IGSF10: variants seen among roughly 807,000 people sequenced by gnomAD.
IGSF10 encodes the protein calvaria mechanical force protein 608.
In IGSF10, 126 loss-of-function variants were observed where a neutral mutation model predicts 128.2. That is an observed-to-expected ratio of 0.98 (90% CI 0.85 to 1.14). IGSF10 has a LOEUF of 1.14. IGSF10 is among the 50% of genes most tolerant of loss of function. IGSF10 has a pLI of 0.00. For synonymous variants in IGSF10, 1,185 were observed against 1,146.2 expected, an observed-to-expected ratio of 1.03 and a Z score of -0.68; for missense variants, 3,295 against 3,149.8, an observed-to-expected ratio of 1.05 and a Z score of -1.10.
chr3:151,507,886 G>C, the IGSF10 span, among the ~76,000 whole-genome samples: 150 of 152,054 alleles, frequency 9.9e-4, no homozygotes, highest in Non-Finnish European at 1.2e-3. Flanking sequence ...ATGGTATAAA[G>C]AAAGCTGTCA....
At chr3:151,432,868 T>A, downstream of IGSF10, 2 of 1,242,034 alleles carry the variant, frequency 1.6e-6, no homozygotes, top group Non-Finnish European at 1.2e-6. Context: ...TCAAATTTAA[T>A]GCATTAGTCA....
chr3:151,490,402 C>T, the IGSF10 span, among the ~76,000 whole-genome samples: 34 of 151,850 alleles, frequency 2.2e-4, no homozygotes, highest in Non-Finnish European at 4.6e-4. Flanking sequence ...TGAAGGGAGA[C>T]ATAGACAGCA....
chr3:151,574,213 A>G, the IGSF10 span, among the ~76,000 whole-genome samples: 1 of 152,030 alleles, frequency 6.6e-6, no homozygotes, highest in Non-Finnish European at 1.5e-5. Context: ...GCTCTTCTCG[A>G]GGAGTATCTT....
At chr3:151,556,487 A>G in the IGSF10 span, among the ~76,000 whole-genome samples, 1 of 152,192 alleles carries the variant, frequency 6.6e-6, no homozygotes, top group Admixed American at 6.6e-5. Flanking sequence ...AGTCATGCAA[A>G]AAATGGAGAG....
the IGSF10 span, among the ~76,000 whole-genome samples, chr3:151,542,765 T>C: frequency 8.9e-4 from 136 of 152,362 alleles, 1 homozygote; most frequent in Non-Finnish European, 9.6e-4. Context: ...GATTACGTCC[T>C]TTCAAGGAGG....
chr3:151,446,304 C>T lies in IGSF10; in HGVS notation c.3677G>A (p.Ser1226Asn), dbSNP rs762484463. 8 of 1,613,866 alleles carry T rather than the reference C, an allele frequency of 5.0e-6. No homozygotes were observed. Among genetic ancestry groups the T allele is most frequent in the Non-Finnish European group, 5.9e-6 (7 of 1,179,892 alleles). The change falls in exon 6 of 8, where the codon AGT (serine) becomes AAT (asparagine). Residue 1226 changes from serine (S) to asparagine (N), a missense_variant. Coordinates refer to ENST00000282466, the MANE Select transcript of IGSF10 (RefSeq NM_178822.5). ...CATCACAGCTGTGCTTTTTTGTAAA[C>T]TAACTTTATGTTGATTCCTTAATCT... ...KGRLRNQHKV[S>N]LQKSTAVMLP... is the part of the protein sequence containing the mutation.
At chr3:151,506,186 C>A in the IGSF10 span, among the ~76,000 whole-genome samples, 1 of 152,196 alleles carries the variant, frequency 6.6e-6, no homozygotes, top group Non-Finnish European at 1.5e-5. Flanking sequence ...ATCTCCTGAC[C>A]TCATGTGCCA....
intron 7 of IGSF10, among the ~76,000 whole-genome samples, chr3:151,441,035 C>G (rs752727485): frequency 2.0e-5 from 3 of 152,174 alleles, no homozygotes; most frequent in Non-Finnish European, 4.4e-5. Flanking sequence ...GCAACAAAAT[C>G]ACCTGGAGGG....
Position 151,447,947 on chromosome 3 carries a change from T to A in IGSF10, c.2034A>T (p.Gly678=). 2 of 1,614,106 alleles carry A rather than the reference T, an allele frequency of 1.2e-6. No individual in the cohort carries two copies. The highest frequency in any genetic ancestry group is 8.5e-7 in the Non-Finnish European group (1 of 1,180,008). ...RPLEHDGETE[G]SGLDESNPIA... Reference sequence around the variant, plus strand: ...TAGGATTGGACTCATCAAGTCCAGATCCCTCTGTTTCTCCATCATGCTCCA... The same window carrying A: ...TAGGATTGGACTCATCAAGTCCAGAACCCTCTGTTTCTCCATCATGCTCCA... The change falls in exon 6 of 8, where the codon GGA becomes GGT. Residue 678 remains glycine (G), a synonymous_variant. Transcript: ENST00000282466.
rs1720569412 is a variant in IGSF10, at chr3:151,438,351, T to C, written c.6210A>G (p.Ile2070Met). 4.3e-6 allele frequency: 7 copies of C among 1,614,062 alleles called. No individual in the cohort carries two copies. The highest frequency in any genetic ancestry group is 1.3e-5 in the African/African-American group (1 of 74,934). The change falls in exon 8 of 8, where the codon ATA (isoleucine) becomes ATG (methionine). Residue 2070 changes from isoleucine (I) to methionine (M), a missense_variant. Physicochemically the swap from Ile to Met is conservative, Grantham distance 10 (BLOSUM62 1). Transcript: ENST00000282466. ...TGGTTCCATCAGGCAAACTCCAAGA[T>C]ATCTCTGGCACTGGGGAGCCGGAAG... The part of the protein sequence containing the change: ...CKASGSPVPE[I>M]SWSLPDGTMI...
chr3:151,536,984 A>G, the IGSF10 span, among the ~76,000 whole-genome samples: 39 of 152,340 alleles, frequency 2.6e-4, no homozygotes, highest in African/African-American at 8.4e-4. Context: ...AGGCCCAATA[A>G]GAGTGAGATC....
At chr3:151,529,201 C>T in the IGSF10 span, among the ~76,000 whole-genome samples, 1 of 152,186 alleles carries the variant, frequency 6.6e-6, no homozygotes, top group Admixed American at 6.5e-5. Context: ...AGGTAGCACC[C>T]CCATTCAGGG....
At chr3:151,600,888 T>G in the IGSF10 span, among the ~76,000 whole-genome samples, 1 of 152,136 alleles carries the variant, frequency 6.6e-6, no homozygotes, top group Non-Finnish European at 1.5e-5. Flanking sequence ...TGTTTAAAGG[T>G]CATTTCCTTT....
the IGSF10 span, among the ~76,000 whole-genome samples, chr3:151,481,343 A>G: frequency 6.6e-6 from 1 of 152,284 alleles, no homozygotes; most frequent in East Asian, 1.9e-4. Flanking sequence ...CCCTACCCGC[A>G]GGGTCCAAGC....
At chr3:151,532,021 A>C in the IGSF10 span, among the ~76,000 whole-genome samples, 1 of 152,308 alleles carries the variant, frequency 6.6e-6, no homozygotes, top group East Asian at 1.9e-4. Context: ...ACAGAAATAC[A>C]AACTACCATC....
the IGSF10 span, among the ~76,000 whole-genome samples, chr3:151,521,328 A>G: frequency 3.2e-4 from 49 of 152,072 alleles, no homozygotes; most frequent in African/African-American, 1.2e-3. Context: ...AAATTCAGAT[A>G]TGCAGGACCT....
chr3:151,506,888 C>T, the IGSF10 span, among the ~76,000 whole-genome samples: 2 of 152,122 alleles, frequency 1.3e-5, no homozygotes, highest in African/African-American at 2.4e-5. Flanking sequence ...AAATCTGCTT[C>T]TATGTATTTG....
chr3:151,560,028 A>T, the IGSF10 span, among the ~76,000 whole-genome samples: 1 of 152,164 alleles, frequency 6.6e-6, no homozygotes, highest in African/African-American at 2.4e-5. Flanking sequence ...ATCCAGAGCT[A>T]GATGCAAGTT....
Position 151,436,666 on chromosome 3 carries a change from G to A in IGSF10, c.*23C>T, listed in dbSNP as rs189758315. 5,163 of 1,511,214 alleles carry A rather than the reference G, an allele frequency of 3.4e-3. 10 individuals carry two copies. The highest frequency in any genetic ancestry group is 4.2e-3 in the Non-Finnish European group (4,698 of 1,113,034). 93.6% of individuals were successfully genotyped at this position (1,511,214 alleles called of 1,614,324 possible). A position where few individuals can be genotyped will look rare whatever the true frequency, so the allele number is the denominator to read the frequency against. ...TCCAAAAAATAAATTCTGCCCAGAT[G>A]TTGTTGACTTTATTATTTCATGTCA... On this transcript the variant is annotated 3_prime_UTR_variant, in exon 8 of 8. Transcript: ENST00000282466.
Sources: gnomAD v4.1 joint callset for allele counts (sites outside exome capture counted in the v4.1 genomes callset) on GRCh38, gnomAD v4.1.1 for gene constraint, MANE v1.5 for transcripts, NCBI Gene and HGNC (gene_info 2026-07-23, HGNC 2026-07-21) for gene names.